HPGDS: variants seen among roughly 807,000 people sequenced by gnomAD.
HPGDS encodes the protein hematopoietic prostaglandin D synthase.
In HPGDS, 26 loss-of-function variants were observed where a neutral mutation model predicts 23.1. The observed-to-expected ratio is 1.13, with a 90% CI of 0.83 to 1.56. The LOEUF is 1.56. Ranked by LOEUF, HPGDS falls within the 40% of genes most tolerant of loss-of-function variation. The pLI is 0.00. For synonymous variants in HPGDS, 95 were observed against 77.9 expected (o/e 1.22, Z -1.16); for missense variants, 268 against 236.4 (o/e 1.13, Z -0.88).
chr4:94,308,785 A>G (rs757552008), intron 3 of HPGDS, 42 bp from the exon 4 acceptor site: 8 of 1,101,250 alleles, frequency 7.3e-6, no homozygotes, highest in Admixed American at 5.6e-5. Flanking sequence ...TTAATTTACT[A>G]TATTAAAAAG....
chr4:94,310,223 T>G (rs4574374), intron 3 of HPGDS, among the ~76,000 whole-genome samples: 84,260 of 152,026 alleles, frequency 0.55, 23,467 homozygotes, highest in East Asian at 0.7. Context: ...TATCCTGAAT[T>G]GTATTGCCTA....
chr4:94,322,383 A>G (rs1756532023), intron 2 of HPGDS, among the ~76,000 whole-genome samples: 2 of 152,086 alleles, frequency 1.3e-5, no homozygotes, highest in South Asian at 2.1e-4. Flanking sequence ...CTGTGAATCC[A>G]CCTGGTCCTG....
intron 3 of HPGDS, among the ~76,000 whole-genome samples, chr4:94,314,836 T>G (rs1756362201): frequency 6.6e-6 from 1 of 152,184 alleles, no homozygotes; most frequent in Non-Finnish European, 1.5e-5. Flanking sequence ...GCCTCAGCAA[T>G]GGTGGGCACC....
intron 3 of HPGDS, among the ~76,000 whole-genome samples, chr4:94,309,814 T>C (rs1465507732): frequency 6.6e-6 from 1 of 152,078 alleles, no homozygotes; most frequent in Non-Finnish European, 1.5e-5. Flanking sequence ...TTTTTAATGA[T>C]CGCCATTCTA....
chr4:94,306,399 C>T (rs1022197156), intron 4 of HPGDS, among the ~76,000 whole-genome samples: 1 of 151,880 alleles, frequency 6.6e-6, no homozygotes, highest in Admixed American at 6.6e-5. Flanking sequence ...AAAGATAGAA[C>T]CCACAAGGAA....
chr4:94,323,975 C>G (rs1361309975), intron 2 of HPGDS, among the ~76,000 whole-genome samples: 1 of 152,168 alleles, frequency 6.6e-6, no homozygotes, highest in Admixed American at 6.5e-5. Context: ...AATCTCTCAG[C>G]ATTTGCTTCT....
chr4:94,315,479 T>C (rs1756377640), intron 3 of HPGDS, among the ~76,000 whole-genome samples: 1 of 152,226 alleles, frequency 6.6e-6, no homozygotes, highest in Admixed American at 6.5e-5. Context: ...TTTTAAATAA[T>C]AGAGGGTTTT....
At chr4:94,342,232 T>C (rs1179419656) in intron 1 of HPGDS, among the ~76,000 whole-genome samples, 15 of 152,150 alleles carry the variant, frequency 9.9e-5, no homozygotes, top group African/African-American at 3.4e-4. Flanking sequence ...GAAATATCCT[T>C]TGGGAGCTGT....
chr4:94,313,460 T>G (rs1756324725), intron 3 of HPGDS, among the ~76,000 whole-genome samples: 1 of 152,254 alleles, frequency 6.6e-6, no homozygotes, highest in Non-Finnish European at 1.5e-5. Context: ...ATGTTGAATA[T>G]TGGCCCCCAC....
intron 2 of HPGDS, chr4:94,334,290 C>T (rs1319684794): frequency 2.3e-6 from 1 of 442,792 alleles, no homozygotes; most frequent in Non-Finnish European, 3.9e-6. Context: ...ACTGGTTTAC[C>T]TTTATATTCT....
chr4:94,299,903 G>A (rs1756001663), intron 5 of HPGDS, among the ~76,000 whole-genome samples: 1 of 152,110 alleles, frequency 6.6e-6, no homozygotes, highest in Non-Finnish European at 1.5e-5. Flanking sequence ...GATCTTAATG[G>A]TACATACTCT....
At chr4:94,325,946 G>C (rs1756622629) in intron 2 of HPGDS, among the ~76,000 whole-genome samples, 1 of 151,394 alleles carries the variant, frequency 6.6e-6, no homozygotes, top group South Asian at 2.1e-4. Flanking sequence ...TTGAAGGATA[G>C]CTTTGCTGGT....
At chr4:94,301,237 C>T (rs532768044) in intron 5 of HPGDS, among the ~76,000 whole-genome samples, 17 of 152,246 alleles carry the variant, frequency 1.1e-4, no homozygotes, top group South Asian at 4.2e-4. Flanking sequence ...TGCAGTCTCC[C>T]TGAAGGTAGA....
chr4:94,323,075 G>C (rs1756550367), intron 2 of HPGDS, among the ~76,000 whole-genome samples: 1 of 152,224 alleles, frequency 6.6e-6, no homozygotes, highest in Non-Finnish European at 1.5e-5. Context: ...GTGTGGTTTT[G>C]AGTGAGTTTC....
chr4:94,335,509 A>G (rs1720984903), intron 1 of HPGDS, among the ~76,000 whole-genome samples: 1 of 152,242 alleles, frequency 6.6e-6, no homozygotes, highest in South Asian at 2.1e-4. Context: ...AAATGTTTTC[A>G]TTTGAAATTC....
At chr4:94,338,868 G>A (rs1168193632) in intron 1 of HPGDS, among the ~76,000 whole-genome samples, 1 of 152,094 alleles carries the variant, frequency 6.6e-6, no homozygotes, top group African/African-American at 2.4e-5. Context: ...AGATAAACTG[G>A]ATCCTAGATT....
chr4:94,334,655 G>A lies in HPGDS; in HGVS notation c.-9-17C>T. The A allele has an allele frequency of 6.2e-7, 1 of 1,604,096 alleles. No homozygotes were observed. The stretch of plus-strand genomic sequence containing the variant: ...GGTGCAATTCTGGAAAAAGAAAAAG[G>A]GAGGGATTATTTTAAGAGCCCTCTA... On this transcript the variant is annotated splice_polypyrimidine_tract_variant and intron_variant, in intron 1 of 5. Coordinates refer to ENST00000295256, the MANE Select transcript of HPGDS (RefSeq NM_014485.3).
chr4:94,335,094 A>T (rs1720972595), intron 1 of HPGDS, among the ~76,000 whole-genome samples: 1 of 152,234 alleles, frequency 6.6e-6, no homozygotes, highest in Non-Finnish European at 1.5e-5. Context: ...GGCTGGGCAC[A>T]TGCAAGAGGA....
At chr4:94,325,567 G>A (rs924231167) in intron 2 of HPGDS, among the ~76,000 whole-genome samples, 14 of 152,316 alleles carry the variant, frequency 9.2e-5, no homozygotes, top group South Asian at 2.1e-4. Context: ...GCAAGGCTCC[G>A]TGGGCATGGG....
Sources: allele counts gnomAD v4.1 joint callset (sites outside exome capture counted in the v4.1 genomes callset), GRCh38; gene constraint gnomAD v4.1.1; transcripts MANE v1.5; gene names NCBI Gene and HGNC (gene_info 2026-07-23, HGNC 2026-07-21).